ADCY8: variants seen among roughly 807,000 people sequenced by gnomAD.
ADCY8 encodes the protein adenylate cyclase type 8.
In ADCY8, 51 loss-of-function variants were observed where a neutral mutation model predicts 119.7. The observed-to-expected ratio is 0.43, with a 90% CI of 0.34 to 0.54. The LOEUF (loss-of-function observed/expected upper bound fraction) is 0.54, where lower values mean the gene tolerates loss of function less well. Ranked by LOEUF, ADCY8 falls within the 20% of genes least tolerant of loss-of-function variation. The pLI is 0.03. For synonymous variants in ADCY8, 665 were observed against 651.0 expected (o/e 1.02, Z -0.33); for missense variants, 1,383 against 1,598.8 (o/e 0.87, Z 2.30).
chr8:130,949,183 C>T (rs566032416), intron 3 of ADCY8, among the ~76,000 whole-genome samples: 1 of 152,184 alleles, frequency 6.6e-6, no homozygotes, highest in South Asian at 2.1e-4. Context: ...GCAGAAGAAA[C>T]TAGCTGCTTA....
intron 11 of ADCY8, among the ~76,000 whole-genome samples, chr8:130,846,644 C>CTCCT (rs35720678): frequency 0.26 from 30,848 of 118,128 alleles, 4,691 homozygotes; most frequent in South Asian, 0.49. Context: ...CCTTCCTTCC[C>CTCCT]TCCTTCCTTC....
chr8:130,832,343 T>C (rs1413344803), intron 12 of ADCY8, among the ~76,000 whole-genome samples: 1 of 152,180 alleles, frequency 6.6e-6, no homozygotes, highest in Non-Finnish European at 1.5e-5. Flanking sequence ...GCGGCCAGGT[T>C]GTTGTGTCCA....
At chr8:130,958,243 G>T (rs1056266643) in intron 2 of ADCY8, among the ~76,000 whole-genome samples, 5 of 152,242 alleles carry the variant, frequency 3.3e-5, no homozygotes, top group Non-Finnish European at 5.9e-5. Context: ...TTATAAGCAA[G>T]TGGGTAGTAA....
chr8:130,956,151 A>G (rs1467325784), intron 2 of ADCY8, among the ~76,000 whole-genome samples: 1 of 152,170 alleles, frequency 6.6e-6, no homozygotes, highest in Non-Finnish European at 1.5e-5. Context: ...CCTCAAAAAA[A>G]CAAACAAACA....
At chr8:131,019,572 C>G (rs2130792871) in intron 1 of ADCY8, among the ~76,000 whole-genome samples, 1 of 152,320 alleles carries the variant, frequency 6.6e-6, no homozygotes, top group East Asian at 1.9e-4. Context: ...GAATCTTAAT[C>G]CAACCCAGGT....
intron 5 of ADCY8, among the ~76,000 whole-genome samples, chr8:130,929,050 A>C (rs532984942): frequency 6.6e-6 from 1 of 152,018 alleles, no homozygotes; most frequent in African/African-American, 2.4e-5. Context: ...TATTCATTTT[A>C]TTTTATTTGT....
chr8:131,037,918 T>C (rs1383121537), intron 1 of ADCY8, among the ~76,000 whole-genome samples: 3 of 152,190 alleles, frequency 2.0e-5, no homozygotes, highest in Non-Finnish European at 4.4e-5. Flanking sequence ...CATTATTGTC[T>C]TTAATAAGAA....
At chr8:130,782,454 A>C (rs991237180) in intron 17 of ADCY8, among the ~76,000 whole-genome samples, 3 of 152,244 alleles carry the variant, frequency 2.0e-5, no homozygotes, top group Non-Finnish European at 4.4e-5. Context: ...CAGCAGACCC[A>C]AAACACAAAT....
At chr8:130,989,923 C>T (rs1262657585) in intron 2 of ADCY8, among the ~76,000 whole-genome samples, 2 of 152,100 alleles carry the variant, frequency 1.3e-5, no homozygotes, top group Non-Finnish European at 2.9e-5. Context: ...GTCGACAGGA[C>T]TTTTTTGTGT....
intron 3 of ADCY8, among the ~76,000 whole-genome samples, chr8:130,945,100 G>A (rs544554849): frequency 6.6e-6 from 1 of 152,294 alleles, no homozygotes; most frequent in South Asian, 2.1e-4. Flanking sequence ...CTAGGGTCTG[G>A]TGGAAGAATA....
At chr8:130,933,387 A>C (rs1318601851) in intron 5 of ADCY8, among the ~76,000 whole-genome samples, 3 of 152,152 alleles carry the variant, frequency 2.0e-5, no homozygotes, top group East Asian at 3.9e-4. Flanking sequence ...TGTAACTGGC[A>C]TTTTCTTCTA....
chr8:130,871,274 T>C (rs1818344639), intron 8 of ADCY8, among the ~76,000 whole-genome samples: 1 of 152,184 alleles, frequency 6.6e-6, no homozygotes. Flanking sequence ...GGACTCCTTG[T>C]CTCATCTCTG....
chr8:130,852,030 T>G (rs1261325251), intron 9 of ADCY8, among the ~76,000 whole-genome samples: 1 of 152,044 alleles, frequency 6.6e-6, no homozygotes, highest in Non-Finnish European at 1.5e-5. Flanking sequence ...CAAGATGAGC[T>G]GTGGGGGATG....
At chr8:130,847,299 G>T in intron 11 of ADCY8, 125 bp downstream of exon 11, 1 of 632,180 alleles carries the variant, frequency 1.6e-6, no homozygotes, top group Non-Finnish European at 2.8e-6. Flanking sequence ...AAGAAGAAGA[G>T]GCAGAAGAAG....
intron 2 of ADCY8, among the ~76,000 whole-genome samples, chr8:130,979,416 C>G (rs891006611): frequency 6.6e-6 from 1 of 152,152 alleles, no homozygotes; most frequent in Non-Finnish European, 1.5e-5. Context: ...TACACCTGCC[C>G]CTGGATATTC....
At chr8:131,004,754 G>A (rs542223459) in intron 1 of ADCY8, among the ~76,000 whole-genome samples, 1 of 152,170 alleles carries the variant, frequency 6.6e-6, no homozygotes, top group Non-Finnish European at 1.5e-5. Flanking sequence ...CTAATAATAT[G>A]CAGTCCTTCT....
intron 9 of ADCY8, among the ~76,000 whole-genome samples, chr8:130,853,120 T>C (rs1463173734): frequency 6.6e-6 from 1 of 152,196 alleles, no homozygotes; most frequent in African/African-American, 2.4e-5. Context: ...TCATTTTCCT[T>C]GGAGGGCAGG....
intron 2 of ADCY8, among the ~76,000 whole-genome samples, chr8:130,978,882 CAATT>C (rs1822152990): frequency 6.6e-6 from 1 of 152,076 alleles, no homozygotes; most frequent in African/African-American, 2.4e-5. Flanking sequence ...AGAAAAAAGT[CAATT>C]AGTATAGAAT....
chr8:131,010,784 C>T lies in ADCY8; in HGVS notation c.961-20242G>A, dbSNP rs145305294. Among the ~76,000 whole-genome samples, 12 of 152,306 alleles carry T rather than the reference C, an allele frequency of 7.9e-5. No homozygotes were observed. In the East Asian group the frequency reaches 2.3e-3, roughly 29 times the overall value. On this transcript the variant is annotated intron_variant, in intron 1 of 17. Transcript: ENST00000286355. ...AAGTTACATCTCTTTCATAATCATG[C>T]TACCTAAATACAAGCCAACTGCTTT...
Sources: gnomAD v4.1 joint callset for allele counts (sites outside exome capture counted in the v4.1 genomes callset) on GRCh38, gnomAD v4.1.1 for gene constraint, MANE v1.5 for transcripts, NCBI Gene and HGNC (gene_info 2026-07-23, HGNC 2026-07-21) for gene names.